DOLPP1: variants seen among roughly 807,000 people sequenced by gnomAD.
DOLPP1 encodes dolichyl pyrophosphate phosphatase 1.
DOLPP1 carries 15 observed loss-of-function variants against 34.1 expected under a neutral mutation model. The observed-to-expected ratio is 0.44, with a 90% CI of 0.29 to 0.68. The LOEUF is 0.68. Ranked by LOEUF, DOLPP1 falls within the 30% of genes least tolerant of loss-of-function variation. The pLI, the probability that DOLPP1 is intolerant of heterozygous loss-of-function variation, is 0.12. For missense variants in DOLPP1, 249 were observed against 307.1 expected, an observed-to-expected ratio of 0.81 and a Z score of 1.41; for synonymous variants, 130 against 128.2, an observed-to-expected ratio of 1.01 and a Z score of -0.10.
chr9:129,082,907 C>T (rs999987257), intron 1 of DOLPP1, among the ~76,000 whole-genome samples: 3 of 152,196 alleles, frequency 2.0e-5, no homozygotes, highest in African/African-American at 7.2e-5. Flanking sequence ...ATGGCAGATT[C>T]TCCCGTCAGA....
chr9:129,085,644 C>A lies in DOLPP1; in HGVS notation c.461+28C>A. ...ATGGAGGAGGGAGAGCCCCTGCCTGCACCCTGCCCATGTGGGGTCCTGCTG... is the reference window on the plus strand; with the variant it reads ...ATGGAGGAGGGAGAGCCCCTGCCTGAACCCTGCCCATGTGGGGTCCTGCTG... On this transcript the variant is annotated intron_variant, in intron 5 of 7. Transcript: ENST00000372546. The surrounding 1 kb of genome is among the most constrained non-coding windows in gnomAD (Gnocchi z 7.0). 6.4e-7 allele frequency: 1 copy of A among 1,570,604 alleles called. No individual in the cohort carries two copies. Among genetic ancestry groups the A allele is most frequent in the Non-Finnish European group, 8.7e-7 (1 of 1,149,436 alleles).
chr9:129,086,093 T>C (rs1333601793), intron 5 of DOLPP1, 46 bp from the exon 6 acceptor site: 2 of 1,598,236 alleles, frequency 1.3e-6, no homozygotes, highest in South Asian at 1.1e-5. Flanking sequence ...TGTGCGGGCC[T>C]GTGTCTGACT....
At position 129,086,718 on chromosome 9, in the gene DOLPP1, C is replaced by T. The variant is rs755272644; in HGVS notation, c.600C>T (p.Ser200=). The T allele has an allele frequency of 5.1e-5, 83 of 1,613,928 alleles. No homozygotes were observed. Among genetic ancestry groups the T allele is most frequent in the South Asian group, 3.0e-4 (27 of 91,088 alleles). ...LFPRIAAWPV[S]EFFLIRDTSL... ...ATGTCTGTCTCTCCAGGCCTGTCTC[C>T]GAGTTCTTCCTAATCCGAGACACAA... The change falls in exon 7 of 8, where the codon TCC becomes TCT. Residue 200 remains serine, a synonymous_variant. Coordinates refer to ENST00000372546, the MANE Select transcript of DOLPP1 (RefSeq NM_020438.5).
At position 129,085,455 on chromosome 9, in the gene DOLPP1, G is replaced by T; in HGVS notation, c.363-63G>T. The stretch of plus-strand genomic sequence containing the variant: ...CAGGGAGCATTTGGATGGGGCCAGG[G>T]ACTGTTTGGGAGGCCTGGGCTGGGC... On this transcript the variant is annotated intron_variant, in intron 4 of 7. Transcript: ENST00000372546. This position sits in a 1 kb window ranked among gnomAD's most constrained non-coding sequence, Gnocchi z 7.0. The T allele has an allele frequency of 1.9e-6, 3 of 1,564,874 alleles. No homozygotes were observed. The highest frequency in any genetic ancestry group is 1.1e-5 in the South Asian group (1 of 88,492).
In DOLPP1 at chr9:129,084,668, G is replaced by C; in HGVS notation, c.77G>C (p.Gly26Ala). 1 of 1,604,784 alleles carries C rather than the reference G, an allele frequency of 6.2e-7. No homozygotes were observed. The highest frequency in any genetic ancestry group is 8.5e-7 in the Non-Finnish European group (1 of 1,171,428). The change falls in exon 2 of 8, where the codon GGT becomes GCT. Residue 26 changes from glycine (G) to alanine (A), a missense_variant and splice_region_variant. Transcript: ENST00000372546. Reference protein sequence around the residue: ...VTLTHVEYPAGDLSGHLLAYL... With the variant: ...VTLTHVEYPAADLSGHLLAYL... ...CTGATTCTGTTCTCTGTCTTGCCAG[G>C]TGATCTCTCTGGCCACCTCCTTGCC...
chr9:129,089,187 C>T lies in DOLPP1; in HGVS notation c.*180C>T, dbSNP rs1247496823. The T allele has an allele frequency of 1.7e-6, 1 of 575,550 alleles. No individual in the cohort carries two copies. The highest frequency in any genetic ancestry group is 3.0e-6 in the Non-Finnish European group (1 of 334,698). 35.7% of individuals were successfully genotyped at this position (575,550 alleles called of 1,614,324 possible). A position where few individuals can be genotyped will look rare whatever the true frequency, so the allele number is the denominator to read the frequency against. ...GTGGACCAAAGGGCTGAACCAGCCCCTCAACCAGGACCCTGGGGGGCCTGC... is the reference window on the plus strand; with the variant it reads ...GTGGACCAAAGGGCTGAACCAGCCCTTCAACCAGGACCCTGGGGGGCCTGC... On this transcript the variant is annotated 3_prime_UTR_variant, in exon 8 of 8. Coordinates refer to ENST00000372546, the MANE Select transcript of DOLPP1 (RefSeq NM_020438.5). This position sits in a 1 kb window ranked among gnomAD's most constrained non-coding sequence, Gnocchi z 4.9.
Position 129,083,966 on chromosome 9 carries a change from C to T in DOLPP1, c.77-702C>T, listed in dbSNP as rs17508440. 5.8e-3 allele frequency among the ~76,000 whole-genome samples: 879 copies of T among 152,336 alleles called. 8 individuals are homozygous for T. Among genetic ancestry groups the T allele is most frequent in the African/African-American group, 0.02 (821 of 41,570 alleles). On this transcript the variant is annotated intron_variant, in intron 1 of 7. Transcript: ENST00000372546. ...GAGTGTCCCCATCTCCTAAAAGGGG[C>T]CAGTGTTCCTCTGCTGCCTCCATCC...
At chr9:129,084,521 C>CG (rs1846947992) in intron 1 of DOLPP1, 147 bp from the exon 2 acceptor site, 2 of 721,940 alleles carry the variant, frequency 2.8e-6, no homozygotes, top group Non-Finnish European at 2.5e-6. Flanking sequence ...CACAATCGGC[C>CG]GGTAAACAGG....
chr9:129,086,071 G>A, intron 5 of DOLPP1, 68 bp from the exon 6 acceptor site: 5 of 1,520,188 alleles, frequency 3.3e-6, no homozygotes, highest in Admixed American at 1.7e-5. Flanking sequence ...CTGGCACATG[G>A]GCAGTGGGGA....
chr9:129,086,250 C>G lies in DOLPP1; in HGVS notation c.573C>G (p.Phe191Leu). Residue 191 changes from phenylalanine to leucine, a missense_variant, in exon 6 of 8, where the codon TTC becomes TTG. Phe to Leu is a conservative substitution (Grantham distance 22). Transcript: ENST00000372546. The stretch of plus-strand genomic sequence containing the variant: ...CCCAGGAGGTCCTCACCCCGCTGTT[C>G]CCCAGGATAGCAGCCTGGTAACTGC... Reference protein sequence around the residue: ...IFTQEVLTPLFPRIAAWPVSE... With the variant: ...IFTQEVLTPLLPRIAAWPVSE... 6.2e-7 allele frequency: 1 copy of G among 1,613,328 alleles called. No homozygotes were observed. Among genetic ancestry groups the G allele is most frequent in the Non-Finnish European group, 8.5e-7 (1 of 1,179,916 alleles).
At chr9:129,083,778 G>T (rs989736855) in intron 1 of DOLPP1, among the ~76,000 whole-genome samples, 1 of 152,182 alleles carries the variant, frequency 6.6e-6, no homozygotes, top group Admixed American at 6.5e-5. Flanking sequence ...CCACAAGTGG[G>T]TGAGCTGAGG....
chr9:129,087,498 A>G (rs558766438), intron 7 of DOLPP1, among the ~76,000 whole-genome samples: 2 of 151,886 alleles, frequency 1.3e-5, no homozygotes, highest in South Asian at 2.1e-4. Flanking sequence ...TGTATTTTTT[A>G]GTAGAGACGG....
chr9:129,084,149 T>C (rs1216306848), intron 1 of DOLPP1, among the ~76,000 whole-genome samples: 1 of 152,180 alleles, frequency 6.6e-6, no homozygotes, highest in African/African-American at 2.4e-5. Context: ...GAACGTCGGA[T>C]TTCCCTGGAG....
intron 1 of DOLPP1, among the ~76,000 whole-genome samples, chr9:129,083,560 C>T (rs1248026087): frequency 6.6e-6 from 1 of 152,172 alleles, no homozygotes; most frequent in African/African-American, 2.4e-5. Context: ...ATGTCTTCAG[C>T]CCTGGAATCT....
chr9:129,081,422 A>G (rs1403988429), intron 1 of DOLPP1, among the ~76,000 whole-genome samples: 4 of 151,370 alleles, frequency 2.6e-5, no homozygotes, highest in African/African-American at 2.4e-5. Flanking sequence ...TCGCTCGCGC[A>G]CTCTGCGGCT....
chr9:129,082,959 T>C (rs1846917913), intron 1 of DOLPP1, among the ~76,000 whole-genome samples: 1 of 152,226 alleles, frequency 6.6e-6, no homozygotes, highest in Non-Finnish European at 1.5e-5. Flanking sequence ...GTCTTTTTTT[T>C]TGCCACTGTG....
At chr9:129,087,518 G>A (rs1234449435) in intron 7 of DOLPP1, among the ~76,000 whole-genome samples, 18 of 152,114 alleles carry the variant, frequency 1.2e-4, no homozygotes, top group African/African-American at 3.9e-4. Flanking sequence ...GGGTTTCACC[G>A]TGTTAGCCAG....
chr9:129,085,173 C>T lies in DOLPP1; in HGVS notation c.263-34C>T. The T allele has an allele frequency of 6.2e-7, 1 of 1,609,832 alleles. No homozygotes were observed. Among genetic ancestry groups the T allele is most frequent in the Non-Finnish European group, 8.5e-7 (1 of 1,176,484 alleles). On this transcript the variant is annotated intron_variant, in intron 3 of 7. Coordinates refer to ENST00000372546, the MANE Select transcript of DOLPP1 (RefSeq NM_020438.5). The surrounding 1 kb of genome is among the most constrained non-coding windows in gnomAD (Gnocchi z 7.0). ...GGGGCGTTACTGGGAGGTCTGCATC[C>T]CCCCGTGATGCCCTGGTCTCCTCTC...
chr9:129,085,002 A>G lies in DOLPP1; in HGVS notation c.178-21A>G. The G allele has an allele frequency of 6.4e-7, 1 of 1,551,688 alleles. No individual in the cohort carries two copies. The highest frequency in any genetic ancestry group is 8.7e-7 in the Non-Finnish European group (1 of 1,149,720). ...CAACAGGTGCACAGAGGCCCAGCTG[A>G]CCATGCGTCTTCCCCAGCAGATCTC... is the stretch of plus-strand genomic sequence containing the variant. On this transcript the variant is annotated intron_variant, in intron 2 of 7. Transcript: ENST00000372546. This position sits in a 1 kb window ranked among gnomAD's most constrained non-coding sequence, Gnocchi z 7.0.
Sources: gnomAD v4.1 joint callset for allele counts (sites outside exome capture counted in the v4.1 genomes callset) on GRCh38, gnomAD v4.1.1 for gene constraint, Gnocchi (gnomAD v3.1) non-coding constraint, MANE v1.5 for transcripts, NCBI Gene and HGNC (gene_info 2026-07-23, HGNC 2026-07-21) for gene names.